Variants in APBB2 observed in about 807,000 individuals in gnomAD.
APBB2 encodes Fe65-like 1.
In APBB2, 38 loss-of-function variants were observed where a neutral mutation model predicts 82.5. The observed-to-expected ratio is 0.46, with a 90% CI of 0.36 to 0.60. The LOEUF is 0.60. Among genes scored for constraint, APBB2 ranks in the 20% least tolerant of loss-of-function variants. The probability of loss-of-function intolerance (pLI) is 0.00; values close to 1 mark genes in which losing one functional copy is unlikely to be tolerated. For synonymous variants in APBB2, 341 were observed against 368.2 expected (o/e 0.93, Z 0.85); for missense variants, 772 against 972.3 (o/e 0.79, Z 2.74).
At chr4:41,068,959 C>A (rs1268180521) in intron 3 of APBB2, among the ~76,000 whole-genome samples, 1 of 152,006 alleles carries the variant, frequency 6.6e-6, no homozygotes, top group African/African-American at 2.4e-5. Context: ...CCATGCCCAG[C>A]TATTTTTTGT....
At chr4:41,034,108 A>C (rs746059140) in intron 4 of APBB2, among the ~76,000 whole-genome samples, 1 of 152,210 alleles carries the variant, frequency 6.6e-6, no homozygotes, top group Non-Finnish European at 1.5e-5. Flanking sequence ...TTTTGAATGC[A>C]TGGATCCCAC....
At chr4:41,049,506 G>A (rs1394849174) in intron 4 of APBB2, among the ~76,000 whole-genome samples, 1 of 145,556 alleles carries the variant, frequency 6.9e-6, no homozygotes, top group African/African-American at 2.5e-5. Context: ...CCGGGAGGGA[G>A]GTGGGGGCCA....
At chr4:40,820,481 T>C (rs374457997) in intron 17 of APBB2, among the ~76,000 whole-genome samples, 69 of 152,012 alleles carry the variant, frequency 4.5e-4, no homozygotes, top group African/African-American at 1.6e-3. Flanking sequence ...CTGGCCAACA[T>C]GATGAAGCCC....
chr4:40,898,851 ACACT>A (rs1253198353), intron 10 of APBB2, among the ~76,000 whole-genome samples: 1 of 81,578 alleles, frequency 1.2e-5, no homozygotes, highest in Non-Finnish European at 2.7e-5. Flanking sequence ...AAACACACAC[ACACT>A]CACACACACA....
rs1276987863 is a variant in APBB2, at chr4:40,922,903, C to A, written c.1254+11553G>T. ...AAAGTGCTGGGATTACAGGCATGAG[C>A]CACTGCACCCAGCCAGCATCTGAAT... On this transcript the variant is annotated intron_variant, in intron 10 of 17. Transcript: ENST00000508593. Among the ~76,000 whole-genome samples, 4 of 152,002 alleles carry A rather than the reference C, an allele frequency of 2.6e-5. No homozygotes were observed. The East Asian group carries it at 7.7e-4, about 29-fold the overall frequency.
intron 11 of APBB2, among the ~76,000 whole-genome samples, chr4:40,891,409 C>T (rs1464539233): frequency 6.6e-6 from 1 of 152,186 alleles, no homozygotes; most frequent in Non-Finnish European, 1.5e-5. Context: ...TCCTAAAGGT[C>T]ATCTAGATGC....
chr4:40,996,235 G>A (rs1803607125), intron 6 of APBB2, among the ~76,000 whole-genome samples: 1 of 152,166 alleles, frequency 6.6e-6, no homozygotes, highest in Admixed American at 6.5e-5. Context: ...TAGAACTATG[G>A]CTAAGTTGAA....
chr4:41,159,940 G>GAGAAGGAGGAGA (rs1345358273), intron 1 of APBB2, among the ~76,000 whole-genome samples: 1 of 40,032 alleles, frequency 2.5e-5, no homozygotes, highest in African/African-American at 9.5e-5. Flanking sequence ...GGAGGAGGAG[G>GAGAAGGAGGAGA]AGGAGAAGGA....
At chr4:40,974,846 T>G (rs1162249833) in intron 6 of APBB2, among the ~76,000 whole-genome samples, 1 of 152,198 alleles carries the variant, frequency 6.6e-6, no homozygotes, top group African/African-American at 2.4e-5. Context: ...ACATTACAAA[T>G]GCCGAGGGGC....
intron 12 of APBB2, among the ~76,000 whole-genome samples, chr4:40,849,591 G>A (rs1028139787): frequency 6.6e-6 from 1 of 152,142 alleles, no homozygotes; most frequent in Admixed American, 6.5e-5. Context: ...GGCAGTTATG[G>A]ACTGAAAAGC....
At chr4:40,893,716 G>A (rs1164113576) in intron 10 of APBB2, among the ~76,000 whole-genome samples, 1 of 152,204 alleles carries the variant, frequency 6.6e-6, no homozygotes, top group Admixed American at 6.5e-5. Context: ...CCTAGCACCT[G>A]TAATCCCAGC....
chr4:41,162,864 A>ATT (rs1322426905), intron 1 of APBB2, among the ~76,000 whole-genome samples: 5 of 152,340 alleles, frequency 3.3e-5, no homozygotes, highest in African/African-American at 1.2e-4. Context: ...GTTAAAATAA[A>ATT]TAATAAATTT....
At chr4:41,159,374 C>T in intron 1 of APBB2, among the ~76,000 whole-genome samples, 1 of 152,078 alleles carries the variant, frequency 6.6e-6, no homozygotes, top group East Asian at 1.9e-4. Flanking sequence ...CTATGAAGCG[C>T]AAATAAGATC....
At chr4:41,096,609 A>C (rs1743553625) in intron 3 of APBB2, among the ~76,000 whole-genome samples, 2 of 152,236 alleles carry the variant, frequency 1.3e-5, no homozygotes, top group Non-Finnish European at 2.9e-5. Flanking sequence ...AACATTTGTA[A>C]TTTGTTTAAC....
At chr4:40,856,725 A>T (rs939138008) in intron 12 of APBB2, among the ~76,000 whole-genome samples, 1 of 152,078 alleles carries the variant, frequency 6.6e-6, no homozygotes, top group African/African-American at 2.4e-5. Flanking sequence ...TGAATAGCCC[A>T]CCCCGAACAG....
intron 6 of APBB2, among the ~76,000 whole-genome samples, chr4:40,962,352 C>A (rs1035301607): frequency 6.6e-6 from 1 of 152,092 alleles, no homozygotes; most frequent in African/African-American, 2.4e-5. Context: ...AATTTTCAAA[C>A]GATAATTCAT....
chr4:40,895,854 A>G (rs1477329536), intron 10 of APBB2, among the ~76,000 whole-genome samples: 1 of 152,228 alleles, frequency 6.6e-6, no homozygotes, highest in Non-Finnish European at 1.5e-5. Flanking sequence ...GGTTGATACT[A>G]AGTTACTGTA....
At chr4:41,086,743 T>C (rs749351544) in intron 3 of APBB2, among the ~76,000 whole-genome samples, 1 of 152,132 alleles carries the variant, frequency 6.6e-6, no homozygotes, top group Non-Finnish European at 1.5e-5. Flanking sequence ...GCTTTTCCTG[T>C]AAGATCAAGA....
intron 7 of APBB2, among the ~76,000 whole-genome samples, chr4:40,940,726 C>T (rs1167479422): frequency 6.6e-6 from 1 of 152,196 alleles, no homozygotes; most frequent in Non-Finnish European, 1.5e-5. Flanking sequence ...TTTTCTCGAG[C>T]TTCAGACCCG....
Sources: gnomAD v4.1 joint callset for allele counts (sites outside exome capture counted in the v4.1 genomes callset) on GRCh38, gnomAD v4.1.1 for gene constraint, MANE v1.5 for transcripts, NCBI Gene and HGNC (gene_info 2026-07-23, HGNC 2026-07-21) for gene names.